The following TIMMDC1 variants were observed in gnomAD, a reference collection of about 807,000 sequenced individuals.
TIMMDC1 encodes the protein translocase of inner mitochondrial membrane domain containing 1.
TIMMDC1 carries 25 observed loss-of-function variants against 32.6 expected under a neutral mutation model. That is an observed-to-expected ratio of 0.77 (90% CI 0.56 to 1.07). TIMMDC1 has a LOEUF of 1.07. TIMMDC1 is among the 50% of genes least tolerant of loss of function. The pLI is 0.00. For synonymous variants in TIMMDC1, 130 were observed against 127.6 expected, an observed-to-expected ratio of 1.02 and a Z score of -0.13; for missense variants, 329 against 349.2, an observed-to-expected ratio of 0.94 and a Z score of 0.46.
chr3:119,509,689 T>A (rs1248675948), intron 4 of TIMMDC1, among the ~76,000 whole-genome samples: 1 of 150,684 alleles, frequency 6.6e-6, no homozygotes, highest in Admixed American at 6.6e-5. Flanking sequence ...CAACTAAATT[T>A]TTTTTTTTTT....
chr3:119,502,337 C>T (rs1292875910), intron 2 of TIMMDC1, among the ~76,000 whole-genome samples: 2 of 152,046 alleles, frequency 1.3e-5, no homozygotes, highest in African/African-American at 2.4e-5. Context: ...TCACTCGATT[C>T]TCCTGTCTCA....
chr3:119,502,300 G>C (rs923999645), intron 2 of TIMMDC1, among the ~76,000 whole-genome samples: 1 of 151,850 alleles, frequency 6.6e-6, no homozygotes, highest in African/African-American at 2.4e-5. Flanking sequence ...CACAATCTTG[G>C]CTTGCTGCAA....
chr3:119,512,530 G>A (rs1329449129), intron 4 of TIMMDC1, among the ~76,000 whole-genome samples: 2 of 151,850 alleles, frequency 1.3e-5, no homozygotes, highest in Admixed American at 6.6e-5. Context: ...CACCCGTCTC[G>A]GCCTCCTAAA....
chr3:119,500,723 G>C lies in TIMMDC1; in HGVS notation c.223G>C (p.Ala75Pro), dbSNP rs771100866. ...DEQQRISKDL[A>P]NICKTAATAG... ...ACAGCAGAGAATTTCAAAGGACCTT[G>C]CTAATATCTGTAAGACGGCAGCTAC... Residue 75 changes from alanine (A) to proline (P), a missense_variant, in exon 2 of 7, where the codon GCT becomes CCT. Transcript: ENST00000494664. The C allele has an allele frequency of 8.7e-6, 14 of 1,613,678 alleles. No homozygotes were observed. The highest frequency in any genetic ancestry group is 3.3e-5 in the Admixed American group (2 of 59,902).
At chr3:119,520,292 A>G (rs925394668) in intron 6 of TIMMDC1, among the ~76,000 whole-genome samples, 1 of 152,122 alleles carries the variant, frequency 6.6e-6, no homozygotes, top group East Asian at 1.9e-4. Flanking sequence ...TTAAAAACAA[A>G]CAAAAAAACA....
At chr3:119,511,046 G>A (rs1419545184) in intron 4 of TIMMDC1, among the ~76,000 whole-genome samples, 2 of 152,080 alleles carry the variant, frequency 1.3e-5, no homozygotes, top group South Asian at 2.1e-4. Context: ...AAATAGATTG[G>A]TGTCTACATA....
At position 119,524,070 on chromosome 3, in the gene TIMMDC1, G is replaced by T. The variant is rs944312304; in HGVS notation, c.*314G>T. The T allele has an allele frequency of 5.9e-5, 11 of 185,570 alleles. No homozygotes were observed. The highest frequency in any genetic ancestry group is 2.6e-4 in the African/African-American group (11 of 42,726). The allele number at this position is 185,570 out of a possible 1,614,324, so 11.5% of individuals were successfully genotyped here. On this transcript the variant is annotated 3_prime_UTR_variant, in exon 7 of 7. Coordinates refer to ENST00000494664, the MANE Select transcript of TIMMDC1 (RefSeq NM_016589.4). ...AAACATTTCGCAAAAGATTAAAGTT[G>T]AATTTTACAGTTCGTATATTCATGT...
At chr3:119,499,437 A>G (rs1375226744) in intron 1 of TIMMDC1, among the ~76,000 whole-genome samples, 5 of 121,130 alleles carry the variant, frequency 4.1e-5, no homozygotes, top group Non-Finnish European at 6.6e-5. Flanking sequence ...TTTTTTTTCG[A>G]GACTGAGTCG....
Position 119,498,580 on chromosome 3 carries a change from G to C in TIMMDC1, c.-154G>C. Reference sequence around the variant, plus strand: ...TCCAAGGACTCCAAAGCGAGGCCGGGGACTGAAGGTGTGGGTGTCGAGCCC... The same window carrying C: ...TCCAAGGACTCCAAAGCGAGGCCGGCGACTGAAGGTGTGGGTGTCGAGCCC... On this transcript the variant is annotated 5_prime_UTR_variant, in exon 1 of 7. Transcript: ENST00000494664. 1.4e-6 allele frequency: 1 copy of C among 690,458 alleles called. No homozygotes were observed. The highest frequency in any genetic ancestry group is 2.4e-6 in the Non-Finnish European group (1 of 408,268). 42.8% of individuals were successfully genotyped at this position (690,458 alleles called of 1,614,324 possible).
intron 2 of TIMMDC1, among the ~76,000 whole-genome samples, chr3:119,501,709 A>T (rs2081877212): frequency 6.6e-6 from 1 of 152,188 alleles, no homozygotes; most frequent in Non-Finnish European, 1.5e-5. Context: ...AAATTAATTA[A>T]TTAAATTTTT....
intron 1 of TIMMDC1, chr3:119,500,375 T>C (rs1238013198): frequency 4.9e-6 from 1 of 205,272 alleles, no homozygotes; most frequent in Non-Finnish European, 9.7e-6. Flanking sequence ...GATGGATGAA[T>C]TTTCACAAAC....
Position 119,513,676 on chromosome 3 carries a change from C to T in TIMMDC1, c.553C>T (p.Leu185=), listed in dbSNP as rs2081968194. ...AAGTCTTTTTAGGATAAACGTAGGC[C>T]TGCGTGGCCTGGTGGCTGGTGGCAT... The part of the protein sequence containing the change: ...TGSLFRINVG[L]RGLVAGGIIG... The change falls in exon 5 of 7, where the codon CTG becomes TTG. Residue 185 remains leucine, a synonymous_variant. Transcript: ENST00000494664. 1.2e-6 allele frequency: 2 copies of T among 1,611,082 alleles called. No homozygotes were observed. Among genetic ancestry groups the T allele is most frequent in the East Asian group, 4.5e-5 (2 of 44,534 alleles).
rs1476408203 is a variant in TIMMDC1 at position 119,524,659 on chromosome 3, C to T, written c.*903C>T. The T allele has an allele frequency of 6.6e-6, 1 of 152,214 alleles. No individual in the cohort carries two copies. The highest frequency in any genetic ancestry group is 1.5e-5 in the Non-Finnish European group (1 of 68,050). 9.4% of individuals were successfully genotyped at this position (152,214 alleles called of 1,614,324 possible). On this transcript the variant is annotated 3_prime_UTR_variant, in exon 7 of 7. Coordinates refer to ENST00000494664, the MANE Select transcript of TIMMDC1 (RefSeq NM_016589.4). ...TGTTGTCTTCTTTTGCTGTTCAACT[C>T]CAGATTTTCAGATGATAATGTGATT...
chr3:119,521,757 C>T (rs1384631627), intron 6 of TIMMDC1, among the ~76,000 whole-genome samples: 1 of 150,988 alleles, frequency 6.6e-6, no homozygotes, highest in African/African-American at 2.4e-5. Context: ...AAAATACCTA[C>T]AAGTGCTAAC....
intron 4 of TIMMDC1, among the ~76,000 whole-genome samples, chr3:119,509,975 TGCCGG>T: frequency 6.6e-6 from 1 of 152,244 alleles, no homozygotes; most frequent in Non-Finnish European, 1.5e-5. Flanking sequence ...TGAACCACCG[TGCCGG>T]GCCACTAGAT....
chr3:119,514,579 A>AT (rs1330449615), intron 5 of TIMMDC1, among the ~76,000 whole-genome samples: 1 of 152,194 alleles, frequency 6.6e-6, no homozygotes, highest in Non-Finnish European at 1.5e-5. Context: ...AGATTAATGT[A>AT]TTTTTGTCAG....
intron 2 of TIMMDC1, among the ~76,000 whole-genome samples, chr3:119,502,480 C>T (rs2081885936): frequency 6.7e-6 from 1 of 150,236 alleles, no homozygotes; most frequent in Non-Finnish European, 1.5e-5. Context: ...TTCACCCCCT[C>T]CTTGGCCTCC....
chr3:119,499,087 TC>T (rs2081847819), intron 1 of TIMMDC1, 160 bp downstream of exon 1: 1 of 602,500 alleles, frequency 1.7e-6, no homozygotes, highest in Non-Finnish European at 2.8e-6. Flanking sequence ...GTATCTTTTT[TC>T]TTTCTTTTTT....
intron 4 of TIMMDC1, among the ~76,000 whole-genome samples, chr3:119,513,414 T>C (rs1170939066): frequency 6.6e-6 from 1 of 152,164 alleles, no homozygotes; most frequent in East Asian, 1.9e-4. Flanking sequence ...ATAGAACATA[T>C]TGAAGATTTA....
Sources: gnomAD v4.1 joint callset for allele counts (sites outside exome capture counted in the v4.1 genomes callset) on GRCh38, gnomAD v4.1.1 for gene constraint, MANE v1.5 for transcripts, NCBI Gene and HGNC (gene_info 2026-07-23, HGNC 2026-07-21) for gene names.